L2HGDH: variants seen among roughly 807,000 people sequenced by gnomAD.
The protein encoded by L2HGDH is L-2-hydroxyglutarate dehydrogenase, mitochondrial.
A neutral mutation model predicts 51.5 loss-of-function variants in L2HGDH; 34 were observed. The observed-to-expected ratio is 0.66, with a 90% confidence interval of 0.50 to 0.88. The LOEUF (loss-of-function observed/expected upper bound fraction) is 0.88. Among genes scored for constraint, L2HGDH ranks in the 40% least tolerant of loss-of-function variants. The pLI is 0.00. For synonymous variants in L2HGDH, 198 were observed against 197.9 expected, an observed-to-expected ratio of 1.00 and a Z score of -0.01; for missense variants, 558 against 571.9, an observed-to-expected ratio of 0.98 and a Z score of 0.25.
intron 9 of L2HGDH, among the ~76,000 whole-genome samples, chr14:50,261,422 G>A (rs1284643550): frequency 6.6e-6 from 1 of 152,194 alleles, no homozygotes; most frequent in East Asian, 1.9e-4. Context: ...AGTGCTAACA[G>A]ATACAAACTG....
chr14:50,265,050 C>G (rs1423446206), intron 9 of L2HGDH, among the ~76,000 whole-genome samples: 2 of 152,036 alleles, frequency 1.3e-5, no homozygotes, highest in East Asian at 3.9e-4. Context: ...TTGTTTTTAT[C>G]AGGAGTGATA....
chr14:50,266,051 T>C (rs2139971775), intron 8 of L2HGDH, among the ~76,000 whole-genome samples: 1 of 150,248 alleles, frequency 6.7e-6, no homozygotes, highest in African/African-American at 2.5e-5. Context: ...GAGGCTGAAG[T>C]GGGAGGCTCG....
At chr14:50,306,018 C>T (rs1195760981) in intron 1 of L2HGDH, among the ~76,000 whole-genome samples, 1 of 150,702 alleles carries the variant, frequency 6.6e-6, no homozygotes, top group Non-Finnish European at 1.5e-5. Flanking sequence ...ATGCAGAACC[C>T]ACAAAAACGA....
Position 50,295,620 on chromosome 14 carries a change from C to T in L2HGDH, c.409-1374G>A, listed in dbSNP as rs1011629022. 2.0e-4 allele frequency among the ~76,000 whole-genome samples: 29 copies of T among 141,630 alleles called. No individual in the cohort carries two copies. In the Middle Eastern group the frequency reaches 0.011, roughly 52 times the overall value. 92.9% of individuals were successfully genotyped at this position (141,630 alleles called of 152,430 possible). On this transcript the variant is annotated intron_variant, in intron 3 of 9. Transcript: ENST00000267436. ...TTTTTTTAGTAGAGACAGCGTTTTA[C>T]CACATTGCCCAGACTGGTCTCAAAC...
In L2HGDH at chr14:50,292,274, G is replaced by C. The variant is rs1269784251; in HGVS notation, c.540+1841C>G. Among the ~76,000 whole-genome samples, 7 of 152,176 alleles carry C rather than the reference G, an allele frequency of 4.6e-5. No homozygotes were observed. In the East Asian group the frequency reaches 1.2e-3, roughly 25 times the overall value. ...GACATACAGATTCATTGCAATCTCAGTCAAAATCATAACAGGTTATCTTGT... is the reference window on the plus strand; with the variant it reads ...GACATACAGATTCATTGCAATCTCACTCAAAATCATAACAGGTTATCTTGT... On this transcript the variant is annotated intron_variant, in intron 4 of 9. Transcript: ENST00000267436.
intron 6 of L2HGDH, among the ~76,000 whole-genome samples, chr14:50,276,242 A>G (rs922744807): frequency 3.3e-5 from 5 of 152,240 alleles, no homozygotes; most frequent in African/African-American, 1.2e-4. Context: ...CTACACCACC[A>G]AACTAGAAAC....
At chr14:50,310,476 G>A (rs2031040220) in intron 1 of L2HGDH, among the ~76,000 whole-genome samples, 1 of 152,158 alleles carries the variant, frequency 6.6e-6, no homozygotes, top group Non-Finnish European at 1.5e-5. Context: ...GGTGGCTGAA[G>A]AGGGAGGTTC....
intron 9 of L2HGDH, among the ~76,000 whole-genome samples, chr14:50,249,033 T>C (rs1293283884): frequency 6.6e-6 from 1 of 152,144 alleles, no homozygotes; most frequent in Non-Finnish European, 1.5e-5. Context: ...GCCTTTACAC[T>C]GAACTCAGTG....
chr14:50,287,084 G>A (rs565588207), intron 4 of L2HGDH: 2 of 664,348 alleles, frequency 3.0e-6, no homozygotes, highest in African/African-American at 3.9e-5. Flanking sequence ...GTGACCCTGG[G>A]AAAGTAAAGT....
chr14:50,269,254 C>T lies in L2HGDH; in HGVS notation c.815G>A (p.Cys272Tyr). The T allele has an allele frequency of 1.2e-6, 2 of 1,613,802 alleles. No homozygotes were observed. The highest frequency in any genetic ancestry group is 1.7e-6 in the Non-Finnish European group (2 of 1,179,766). The change falls in exon 7 of 10, where the codon TGC (cysteine) becomes TAC (tyrosine). Residue 272 changes from cysteine to tyrosine, a missense_variant. Physicochemically the swap from Cys to Tyr is radical, Grantham distance 194 (BLOSUM62 -2). Around this residue, in one of 3 missense-constraint regions of L2HGDH, gnomAD observed 321 missense variants for 311.8 expected, o/e 1.03. Coordinates refer to ENST00000267436, the MANE Select transcript of L2HGDH (RefSeq NM_024884.3). ...YSDRISELSG[C>Y]TPDPRIVPFR... ...TGGTACAATTCGAGGATCAGGAGTGCAGCCACTCAACTCTGAAATACGGTC... is the reference window on the plus strand; with the variant it reads ...TGGTACAATTCGAGGATCAGGAGTGTAGCCACTCAACTCTGAAATACGGTC...
At chr14:50,298,045 A>G (rs1566536412) in intron 3 of L2HGDH, among the ~76,000 whole-genome samples, 1 of 152,050 alleles carries the variant, frequency 6.6e-6, no homozygotes. Context: ...GGAGTTTAAG[A>G]CCAGCCTAGT....
At chr14:50,291,791 CA>C (rs918773885) in intron 4 of L2HGDH, among the ~76,000 whole-genome samples, 5 of 151,694 alleles carry the variant, frequency 3.3e-5, no homozygotes, top group African/African-American at 1.2e-4. Flanking sequence ...TAAAAATAAA[CA>C]AAAAACACAT....
chr14:50,278,419 A>G, intron 6 of L2HGDH, 101 bp downstream of exon 6: 1 of 772,682 alleles, frequency 1.3e-6, no homozygotes, highest in East Asian at 2.7e-5. Context: ...CATTAGACAA[A>G]TGTCATTCAA....
chr14:50,293,330 T>TA, intron 4 of L2HGDH: 1 of 695,580 alleles, frequency 1.4e-6, no homozygotes, highest in South Asian at 1.5e-5. Flanking sequence ...ATACCATATA[T>TA]AAAAATCAAT....
In L2HGDH at chr14:50,301,870, C is replaced by T. The variant is rs73277322; in HGVS notation, c.408+147G>A. 1,700 of 794,150 alleles carry T rather than the reference C, an allele frequency of 2.1e-3. 21 individuals are homozygous for T. The African/African-American group carries it at 0.025, about 11-fold the overall frequency. The allele number at this position is 794,150 out of a possible 1,614,324, so 49.2% of individuals were successfully genotyped here. A position where few individuals can be genotyped will look rare whatever the true frequency, so the allele number is the denominator to read the frequency against. ...ATTTAGAAAATTACATAACGTCACA[C>T]CATCTTTTTTTAGTTATTCCCTAAG... On this transcript the variant is annotated intron_variant, in intron 3 of 9. Transcript: ENST00000267436.
intron 3 of L2HGDH, among the ~76,000 whole-genome samples, chr14:50,297,432 TA>T (rs954805296): frequency 1.3e-5 from 2 of 151,904 alleles, no homozygotes; most frequent in Non-Finnish European, 1.5e-5. Flanking sequence ...GTCACTGGAT[TA>T]AAAAAAATCA....
intron 9 of L2HGDH, among the ~76,000 whole-genome samples, chr14:50,252,098 GA>G (rs544855513): frequency 0.19 from 27,033 of 143,104 alleles, 3,189 homozygotes; most frequent in African/African-American, 0.34. Context: ...GATATAAAGA[GA>G]AAAAAAAAAA....
chr14:50,243,620 A>G lies in L2HGDH; in HGVS notation c.*3438T>C, dbSNP rs1357320507. The G allele has an allele frequency of 2.6e-6, 2 of 767,052 alleles. No homozygotes were observed. The highest frequency in any genetic ancestry group is 3.2e-6 in the Non-Finnish European group (2 of 632,134). 47.5% of individuals were successfully genotyped at this position (767,052 alleles called of 1,614,324 possible). A position where few individuals can be genotyped will look rare whatever the true frequency, so the allele number is the denominator to read the frequency against. ...ACAAGCAGAATAACCTACATATTCA[A>G]AACACTTTCAACAAATTTTTCATTT... On this transcript the variant is annotated 3_prime_UTR_variant, in exon 10 of 10. Coordinates refer to ENST00000267436, the MANE Select transcript of L2HGDH (RefSeq NM_024884.3).
At chr14:50,308,549 CA>C (rs773850022) in intron 1 of L2HGDH, among the ~76,000 whole-genome samples, 128 of 152,312 alleles carry the variant, frequency 8.4e-4, no homozygotes, top group Non-Finnish European at 1.2e-3. Context: ...ATAAAAACCA[CA>C]ATGAGATATC....
Sources: allele counts gnomAD v4.1 joint callset (sites outside exome capture counted in the v4.1 genomes callset), GRCh38; gene constraint gnomAD v4.1.1; regional missense constraint gnomAD v4.1.1; transcripts MANE v1.5; gene names NCBI Gene and HGNC (gene_info 2026-07-23, HGNC 2026-07-21).